The following CFAP54 variants were observed in gnomAD, a reference collection of about 807,000 sequenced individuals.
CFAP54 encodes cilia and flagella associated protein 54, also known as cilia- and flagella-associated protein 54.
In CFAP54, 290 loss-of-function variants were observed where a neutral mutation model predicts 370.4. The observed-to-expected ratio is 0.78, with a 90% confidence interval of 0.71 to 0.86. CFAP54 has a LOEUF of 0.86. Ranked by LOEUF, CFAP54 falls within the 40% of genes least tolerant of loss-of-function variation. CFAP54 has a pLI of 0.00. For missense variants in CFAP54, 3,399 were observed against 3,528.7 expected (o/e 0.96, Z 0.93); for synonymous variants, 1,206 against 1,236.5 (o/e 0.98, Z 0.52).
chr12:96,529,526 C>T (rs1256572057), intron 9 of CFAP54, among the ~76,000 whole-genome samples: 1 of 151,394 alleles, frequency 6.6e-6, no homozygotes, highest in Non-Finnish European at 1.5e-5. Context: ...TTAGTATTAT[C>T]TGTCTTTCTC....
At chr12:96,825,467 A>G (rs1230354882) in intron 65 of CFAP54, among the ~76,000 whole-genome samples, 1 of 117,004 alleles carries the variant, frequency 8.5e-6, no homozygotes, top group African/African-American at 3.5e-5. Context: ...AATATAATAT[A>G]TTATATATAT....
chr12:96,827,850 A>G (rs376376428), intron 65 of CFAP54, among the ~76,000 whole-genome samples: 3 of 113,762 alleles, frequency 2.6e-5, no homozygotes, highest in African/African-American at 7.1e-5. Flanking sequence ...ATATAATTAT[A>G]TATAATACAT....
intron 47 of CFAP54, among the ~76,000 whole-genome samples, chr12:96,706,583 C>T (rs1283518319): frequency 6.6e-6 from 1 of 152,078 alleles, no homozygotes; most frequent in Non-Finnish European, 1.5e-5. Context: ...GCCATTGTAA[C>T]TAGGCTGTTA....
chr12:96,769,492 A>AT (rs1177469047), intron 60 of CFAP54, among the ~76,000 whole-genome samples: 5 of 152,200 alleles, frequency 3.3e-5, no homozygotes, highest in African/African-American at 1.2e-4. Context: ...ATATAGCTTT[A>AT]TTCAGCAGCT....
rs1955110719 is a variant in CFAP54 at position 96,507,106 on chromosome 12, G to A, written c.739+7G>A. 10 of 1,490,904 alleles carry A rather than the reference G, an allele frequency of 6.7e-6. No individual in the cohort carries two copies. Among genetic ancestry groups the A allele is most frequent in the Non-Finnish European group, 8.9e-6 (10 of 1,127,512 alleles). The allele number at this position is 1,490,904 out of a possible 1,614,324, so 92.4% of individuals were successfully genotyped here. On this transcript the variant is annotated splice_region_variant and intron_variant, in intron 4 of 67. Coordinates refer to ENST00000524981, the MANE Select transcript of CFAP54 (RefSeq NM_001306084.2). ...TGCTGGATTATCTTCAATGGTATAT[G>A]CTGATGTATTTTATTTTCCATTGTG... is the stretch of plus-strand genomic sequence containing the variant.
At chr12:96,630,244 T>C (rs752413180) in intron 31 of CFAP54, 40 bp downstream of exon 31, 2 of 1,062,846 alleles carry the variant, frequency 1.9e-6, no homozygotes, top group African/African-American at 3.2e-5. Context: ...GTAATGAAAT[T>C]AAGAGATTCA....
chr12:96,873,441 G>A (rs1038359277), intron 67 of CFAP54, among the ~76,000 whole-genome samples: 14 of 152,142 alleles, frequency 9.2e-5, no homozygotes, highest in Admixed American at 2.0e-4. Context: ...CTTCTGGCTC[G>A]ACTCAATCCA....
intron 5 of CFAP54, among the ~76,000 whole-genome samples, chr12:96,518,700 A>G (rs1955268257): frequency 6.6e-6 from 1 of 152,140 alleles, no homozygotes; most frequent in African/African-American, 2.4e-5. Flanking sequence ...CAAATAAACA[A>G]ACAAAAAAGA....
At chr12:96,811,351 C>G (rs1170228130) in intron 63 of CFAP54, among the ~76,000 whole-genome samples, 1 of 152,092 alleles carries the variant, frequency 6.6e-6, no homozygotes, top group Admixed American at 6.6e-5. Context: ...TAAGTGAACT[C>G]ATAGAAATGA....
intron 51 of CFAP54, among the ~76,000 whole-genome samples, chr12:96,741,874 T>C (rs555085670): frequency 1.3e-5 from 2 of 152,252 alleles, no homozygotes; most frequent in Admixed American, 6.5e-5. Context: ...CAGGAAGACA[T>C]AGGTTGGAAT....
chr12:96,840,307 G>A (rs2136773829), intron 66 of CFAP54, among the ~76,000 whole-genome samples: 1 of 152,324 alleles, frequency 6.6e-6, no homozygotes, highest in East Asian at 1.9e-4. Context: ...CTGGGTACTG[G>A]ATGGGACTTG....
intron 43 of CFAP54, 31 bp downstream of exon 43, chr12:96,689,013 T>C: frequency 1.5e-6 from 2 of 1,371,582 alleles, no homozygotes; most frequent in South Asian, 1.5e-5. Context: ...GTTTTTCCAT[T>C]GTAGCACAAC....
At chr12:96,736,543 T>G (rs1233107320) in intron 50 of CFAP54, among the ~76,000 whole-genome samples, 1 of 152,208 alleles carries the variant, frequency 6.6e-6, no homozygotes, top group East Asian at 1.9e-4. Flanking sequence ...GATGGGATGT[T>G]TGATGCTTTT....
intron 17 of CFAP54, among the ~76,000 whole-genome samples, chr12:96,563,104 G>C (rs1420618): frequency 0.019 from 2,856 of 152,202 alleles, 105 homozygotes; most frequent in African/African-American, 0.065. Context: ...TGGAGGATTA[G>C]AGTTTTTTTT....
intron 11 of CFAP54, 64 bp downstream of exon 11, chr12:96,534,291 G>A: frequency 6.4e-6 from 6 of 937,720 alleles, no homozygotes; most frequent in Non-Finnish European, 9.3e-6. Context: ...TATAGATATG[G>A]TGAGAGAAAG....
intron 66 of CFAP54, among the ~76,000 whole-genome samples, chr12:96,841,124 A>G (rs140213756): frequency 6.6e-6 from 1 of 152,324 alleles, no homozygotes; most frequent in Non-Finnish European, 1.5e-5. Context: ...GGGGTATAAT[A>G]CTTGGATATA....
rs1286757594 is a variant in CFAP54 at position 96,635,792 on chromosome 12, T to C, written c.4316+5141T>C. On this transcript the variant is annotated intron_variant, in intron 32 of 67. Transcript: ENST00000524981. ...ACACTTTAAATGTTTACTAGCTTAA[T>C]ATAAAAGATACAAATGAATAGCCGC... is the stretch of plus-strand genomic sequence containing the variant. Among the ~76,000 whole-genome samples the C allele has an allele frequency of 2.6e-5, 4 of 152,204 alleles. No homozygotes were observed. The East Asian group carries it at 7.7e-4, about 29-fold the overall frequency.
chr12:96,551,136 T>A (rs1955689169), intron 15 of CFAP54, among the ~76,000 whole-genome samples: 1 of 152,092 alleles, frequency 6.6e-6, no homozygotes, highest in African/African-American at 2.4e-5. Flanking sequence ...CTGGGTGTGA[T>A]GACATGTGCC....
chr12:96,496,452 T>C (rs554488616), intron 1 of CFAP54, among the ~76,000 whole-genome samples: 2 of 152,334 alleles, frequency 1.3e-5, no homozygotes, highest in Middle Eastern at 6.8e-3. Flanking sequence ...GCAGGGTTGG[T>C]TTCTCATGAG....
Sources: allele counts gnomAD v4.1 joint callset (sites outside exome capture counted in the v4.1 genomes callset), GRCh38; gene constraint gnomAD v4.1.1; transcripts MANE v1.5; gene names NCBI Gene and HGNC (gene_info 2026-07-23, HGNC 2026-07-21).